PRKCE: variants seen among roughly 807,000 people sequenced by gnomAD.
The protein encoded by PRKCE is protein kinase C epsilon type.
PRKCE carries 16 observed loss-of-function variants against 85.4 expected under a neutral mutation model. The ratio of observed to expected loss-of-function variants is 0.19; its 90% CI spans 0.13 to 0.28. The LOEUF is 0.28. PRKCE is among the 10% of genes least tolerant of loss of function. The pLI is 1.00. For synonymous variants in PRKCE, 388 were observed against 371.5 expected (o/e 1.04, Z -0.51); for missense variants, 573 against 975.2 (o/e 0.59, Z 5.49).
At chr2:46,174,648 C>T (rs926827653) in intron 14 of PRKCE, among the ~76,000 whole-genome samples, 2 of 152,090 alleles carry the variant, frequency 1.3e-5, no homozygotes, top group Non-Finnish European at 2.9e-5. Context: ...CACCCAAAGA[C>T]ACACACATGC....
intron 1 of PRKCE, among the ~76,000 whole-genome samples, chr2:45,822,870 C>T (rs1689646393): frequency 6.6e-6 from 1 of 152,200 alleles, no homozygotes; most frequent in South Asian, 2.1e-4. Flanking sequence ...GCAAAACTCT[C>T]ATTAGTAATT....
At chr2:46,080,333 TAA>T (rs11405320) in intron 10 of PRKCE, among the ~76,000 whole-genome samples, 1 of 151,952 alleles carries the variant, frequency 6.6e-6, no homozygotes, top group African/African-American at 2.4e-5. Flanking sequence ...CCTTAATGTG[TAA>T]AAAAAGAGTT....
At chr2:45,854,444 G>A (rs1692520014) in intron 2 of PRKCE, among the ~76,000 whole-genome samples, 1 of 152,184 alleles carries the variant, frequency 6.6e-6, no homozygotes, top group Admixed American at 6.5e-5. Context: ...CCCCCAACTG[G>A]CTACGCTGAA....
chr2:45,982,363 C>A (rs886625722), intron 5 of PRKCE, among the ~76,000 whole-genome samples: 1 of 152,250 alleles, frequency 6.6e-6, no homozygotes, highest in Non-Finnish European at 1.5e-5. Flanking sequence ...AAACACCATG[C>A]TTTCAATGCC....
intron 14 of PRKCE, among the ~76,000 whole-genome samples, chr2:46,162,359 C>T (rs760077661): frequency 3.0e-4 from 46 of 152,254 alleles, no homozygotes; most frequent in Non-Finnish European, 4.9e-4. Context: ...CTTATCACCC[C>T]CTGAGAGGAT....
intron 10 of PRKCE, among the ~76,000 whole-genome samples, chr2:46,057,025 T>A (rs567403052): frequency 6.6e-6 from 1 of 152,100 alleles, no homozygotes; most frequent in African/African-American, 2.4e-5. Context: ...TGGAAACAAC[T>A]GAGGGCTGGC....
At chr2:45,740,554 A>G (rs565644546) in intron 1 of PRKCE, among the ~76,000 whole-genome samples, 9 of 151,816 alleles carry the variant, frequency 5.9e-5, no homozygotes, top group Admixed American at 2.0e-4. Context: ...CCCCCTGCCC[A>G]TTGCAAGCCC....
At chr2:45,888,646 T>C (rs1695481872) in intron 2 of PRKCE, among the ~76,000 whole-genome samples, 1 of 152,042 alleles carries the variant, frequency 6.6e-6, no homozygotes, top group African/African-American at 2.4e-5. Flanking sequence ...AGATGGGGGT[T>C]TCACCATGTT....
At chr2:45,790,409 G>T (rs1287703133) in intron 1 of PRKCE, among the ~76,000 whole-genome samples, 1 of 152,212 alleles carries the variant, frequency 6.6e-6, no homozygotes, top group African/African-American at 2.4e-5. Context: ...CACTGATTTG[G>T]AGCCTCAAAT....
At chr2:45,752,787 A>T (rs1465589385) in intron 1 of PRKCE, among the ~76,000 whole-genome samples, 1 of 152,122 alleles carries the variant, frequency 6.6e-6, no homozygotes, top group Non-Finnish European at 1.5e-5. Context: ...GTGTGCCTGG[A>T]GAAGTTGCCA....
At chr2:45,963,483 G>A (rs1574042773) in intron 2 of PRKCE, among the ~76,000 whole-genome samples, 1 of 151,878 alleles carries the variant, frequency 6.6e-6, no homozygotes, top group South Asian at 2.1e-4. Flanking sequence ...TAATTTTTGT[G>A]TTTTTACTAG....
intron 11 of PRKCE, among the ~76,000 whole-genome samples, chr2:46,089,461 C>G (rs1438313741): frequency 1.3e-5 from 2 of 152,204 alleles, no homozygotes; most frequent in Non-Finnish European, 2.9e-5. Context: ...CCAGTCTATC[C>G]ATCCACCTCC....
At chr2:45,733,013 A>G (rs986189959) in intron 1 of PRKCE, among the ~76,000 whole-genome samples, 1 of 152,242 alleles carries the variant, frequency 6.6e-6, no homozygotes, top group African/African-American at 2.4e-5. Flanking sequence ...ACTTGGCTCT[A>G]CCATTGTAGT....
chr2:46,116,625 T>TCA (rs1229344612), intron 11 of PRKCE, among the ~76,000 whole-genome samples: 3 of 152,140 alleles, frequency 2.0e-5, no homozygotes, highest in African/African-American at 7.2e-5. Flanking sequence ...TGTGTAGCCT[T>TCA]CATTTGCTTG....
chr2:45,976,952 A>G (rs1218270335), intron 3 of PRKCE, among the ~76,000 whole-genome samples: 1 of 150,362 alleles, frequency 6.7e-6, no homozygotes, highest in East Asian at 2.0e-4. Flanking sequence ...GCTGGAGTGC[A>G]GTGGCATGAT....
intron 2 of PRKCE, among the ~76,000 whole-genome samples, chr2:45,899,856 G>A (rs531106043): frequency 1.3e-4 from 20 of 152,316 alleles, no homozygotes; most frequent in Admixed American, 4.6e-4. Flanking sequence ...AAAGCCATGC[G>A]GCAATTGTGT....
chr2:46,138,616 C>T lies in PRKCE; in HGVS notation c.1593-6477C>T, dbSNP rs1675219828. Among the ~76,000 whole-genome samples, 1 of 152,194 alleles carries T rather than the reference C, an allele frequency of 6.6e-6. No individual in the cohort carries two copies. The highest frequency in any genetic ancestry group is 1.5e-5 in the Non-Finnish European group (1 of 68,042). ...ATCCGGGCCAGGCCGTGTTAGAGCC[C>T]TGATCACTGCTTAAGACTCAGATTA... On this transcript the variant is annotated intron_variant, in intron 11 of 14. Transcript: ENST00000306156. The surrounding 1 kb of genome is among the most constrained non-coding windows in gnomAD (Gnocchi z 4.2).
rs74599232 is a variant in PRKCE, at chr2:46,048,958, C to T, written c.1438-37250C>T. On this transcript the variant is annotated intron_variant, in intron 10 of 14. Transcript: ENST00000306156. ...ATAGTTGGCCTGGAGTGTAGAGACT[C>T]GCCAGTAATGCCTCCATCTGACCTA... Among the ~76,000 whole-genome samples, 424 of 150,396 alleles carry T rather than the reference C, an allele frequency of 2.8e-3. 4 individuals carry two copies. The highest frequency in any genetic ancestry group is 0.01 in the African/African-American group (410 of 40,840).
At chr2:45,927,292 T>G (rs1698707495) in intron 2 of PRKCE, among the ~76,000 whole-genome samples, 1 of 152,230 alleles carries the variant, frequency 6.6e-6, no homozygotes, top group South Asian at 2.1e-4. Context: ...TTTGTGGTAT[T>G]GGAACCTAGA....
Sources: allele counts gnomAD v4.1 joint callset (sites outside exome capture counted in the v4.1 genomes callset), GRCh38; gene constraint gnomAD v4.1.1; non-coding constraint Gnocchi (gnomAD v3.1); transcripts MANE v1.5; gene names NCBI Gene and HGNC (gene_info 2026-07-23, HGNC 2026-07-21).